The following FAM163B variants were observed in gnomAD, a reference collection of about 807,000 sequenced individuals.
FAM163B encodes the protein protein FAM163B.
A neutral mutation model predicts 7.6 loss-of-function variants in FAM163B; 4 were observed. The observed-to-expected ratio is 0.52, with a 90% CI of 0.26 to 1.20. The LOEUF is 1.20. Among genes scored for constraint, FAM163B ranks in the 50% most tolerant of loss-of-function variants. The pLI is 0.14. For synonymous variants in FAM163B, 120 were observed against 111.6 expected (o/e 1.07, Z -0.47); for missense variants, 250 against 243.0 (o/e 1.03, Z -0.19).
At position 133,606,036 on chromosome 9, in the gene FAM163B, C is replaced by T. The variant is rs1831785619; in HGVS notation, c.-24+3041G>A. 1.3e-5 allele frequency among the ~76,000 whole-genome samples: 2 copies of T among 152,198 alleles called. No individual in the cohort carries two copies. The highest frequency in any genetic ancestry group is 4.8e-5 in the African/African-American group (2 of 41,448). ...GTTCCTGTGGACTGCGGCGGAAAGC[C>T]CAACCACTGAGCAGGGCTTACAAGC... On this transcript the variant is annotated intron_variant, in intron 1 of 2. Coordinates refer to ENST00000673969, the MANE Select transcript of FAM163B (RefSeq NM_001080515.3). This position sits in a 1 kb window ranked among gnomAD's most constrained non-coding sequence, Gnocchi z 4.0.
At chr9:133,580,020 C>T in intron 2 of FAM163B, 111 bp downstream of exon 2, 1 of 863,136 alleles carries the variant, frequency 1.2e-6, no homozygotes, top group Non-Finnish European at 1.8e-6. Flanking sequence ...CAGGGCTCTT[C>T]CCCACTTCCC....
intron 1 of FAM163B, among the ~76,000 whole-genome samples, chr9:133,607,721 CT>C (rs1225572684): frequency 6.6e-6 from 1 of 152,228 alleles, no homozygotes; most frequent in East Asian, 1.9e-4. Context: ...CCCTGTGGGT[CT>C]TTTCATAGCA....
intron 1 of FAM163B, among the ~76,000 whole-genome samples, chr9:133,590,396 T>C (rs2131240439): frequency 6.6e-6 from 1 of 152,012 alleles, no homozygotes; most frequent in African/African-American, 2.4e-5. Context: ...TCTCGTTTAG[T>C]AAACAAATAA....
At chr9:133,594,260 C>T (rs9409838) in intron 1 of FAM163B, among the ~76,000 whole-genome samples, 58,539 of 151,974 alleles carry the variant, frequency 0.39, 11,531 homozygotes, top group Admixed American at 0.45. Flanking sequence ...ATCTAGGTCC[C>T]GAACATCTGA....
rs892486868 is a variant in FAM163B at position 133,600,484 on chromosome 9, G to A, written c.-24+8593C>T. Among the ~76,000 whole-genome samples the A allele has an allele frequency of 5.9e-5, 9 of 152,184 alleles. No individual in the cohort carries two copies. The highest frequency in any genetic ancestry group is 2.2e-4 in the African/African-American group (9 of 41,442). On this transcript the variant is annotated intron_variant, in intron 1 of 2. Transcript: ENST00000673969. This position sits in a 1 kb window ranked among gnomAD's most constrained non-coding sequence, Gnocchi z 4.9. ...GCCCAGGTCACCTGGCACTTACGAG[G>A]GAAGCCCCAGATGGCCCCTGCAGCT... is the stretch of plus-strand genomic sequence containing the variant.
intron 1 of FAM163B, among the ~76,000 whole-genome samples, chr9:133,599,117 C>T (rs906280527): frequency 1.3e-4 from 20 of 152,354 alleles, no homozygotes; most frequent in African/African-American, 4.8e-4. Context: ...CTCCCACCCT[C>T]CTCCTGTCCT....
intron 1 of FAM163B, among the ~76,000 whole-genome samples, chr9:133,603,277 C>A (rs1222353249): frequency 6.6e-6 from 1 of 152,346 alleles, no homozygotes; most frequent in Admixed American, 6.5e-5. Context: ...TGCTGTGGGT[C>A]CAATGCATAC....
chr9:133,580,122 C>A lies in FAM163B; in HGVS notation c.93+9G>T. The A allele has an allele frequency of 6.2e-7, 1 of 1,609,982 alleles. No individual in the cohort carries two copies. On this transcript the variant is annotated intron_variant, in intron 2 of 2. Coordinates refer to ENST00000673969, the MANE Select transcript of FAM163B (RefSeq NM_001080515.3). ...CTGCCCTGTCCCCTTCCCCGCCGCC[C>A]GGGAATACCTGGAGCCGGCAGTAGC...
chr9:133,580,310 T>C (rs1831337368), intron 1 of FAM163B, 64 bp from the exon 2 acceptor site: 1 of 1,276,048 alleles, frequency 7.8e-7, no homozygotes, highest in Non-Finnish European at 1.1e-6. Flanking sequence ...ACTCGTGCTA[T>C]TCTAGAGAAC....
intron 1 of FAM163B, among the ~76,000 whole-genome samples, chr9:133,590,204 CT>C (rs1564193693): frequency 2.7e-4 from 39 of 141,886 alleles, no homozygotes; most frequent in African/African-American, 1.0e-3. Context: ...CTTTCCTTTC[CT>C]TTCCTTCCCT....
At chr9:133,592,765 C>T (rs1234674033) in intron 1 of FAM163B, among the ~76,000 whole-genome samples, 1 of 152,220 alleles carries the variant, frequency 6.6e-6, no homozygotes, top group Non-Finnish European at 1.5e-5. Flanking sequence ...CCAAGTCCCA[C>T]CCAGGCCGGC....
intron 1 of FAM163B, among the ~76,000 whole-genome samples, chr9:133,590,131 TCCCCTCCCCTTCCCCTC>T (rs1564193626): frequency 2.1e-4 from 6 of 29,050 alleles, no homozygotes; most frequent in East Asian, 4.1e-3. Context: ...CCCCTCCCCT[TCCCCTCCCCTTCCCCTC>T]CCCTTCCCCT....
Position 133,578,785 on chromosome 9 carries a change from TG to T in FAM163B, c.*236del. 1.5e-6 allele frequency: 1 copy of T among 666,028 alleles called. No individual in the cohort carries two copies. Among genetic ancestry groups the T allele is most frequent in the Non-Finnish European group, 2.3e-6 (1 of 439,026 alleles). 41.3% of individuals were successfully genotyped at this position (666,028 alleles called of 1,614,324 possible). A position where few individuals can be genotyped will look rare whatever the true frequency, so the allele number is the denominator to read the frequency against. ...ATGCCCAGCCGGCTGTATGGTCACCTGGTCCTTCTAGCCCCAGGCCCCAGCT... is the reference window on the plus strand; with the variant it reads ...ATGCCCAGCCGGCTGTATGGTCACCTGTCCTTCTAGCCCCAGGCCCCAGCT... On this transcript the variant is annotated 3_prime_UTR_variant, in exon 3 of 3. Coordinates refer to ENST00000673969, the MANE Select transcript of FAM163B (RefSeq NM_001080515.3).
At chr9:133,583,274 T>C (rs1417007262) in intron 1 of FAM163B, among the ~76,000 whole-genome samples, 1 of 152,070 alleles carries the variant, frequency 6.6e-6, no homozygotes, top group African/African-American at 2.4e-5. Context: ...TGGGCCTGGG[T>C]GGAGGGGCTC....
chr9:133,578,872 G>A lies in FAM163B; in HGVS notation c.*150C>T, dbSNP rs1053295720. 1.5e-6 allele frequency: 2 copies of A among 1,378,844 alleles called. No homozygotes were observed. Among genetic ancestry groups the A allele is most frequent in the South Asian group, 3.2e-5 (2 of 62,252 alleles). The allele number at this position is 1,378,844 out of a possible 1,614,324, so 85.4% of individuals were successfully genotyped here. A position where few individuals can be genotyped will look rare whatever the true frequency, so the allele number is the denominator to read the frequency against. ...CCTTATCCCTGCCACGAGCCTGGGG[G>A]CTCCCCAAGCCTGGGCCTCCCCTGA... On this transcript the variant is annotated 3_prime_UTR_variant, in exon 3 of 3. Transcript: ENST00000673969.
rs376180281 is a variant in FAM163B at position 133,582,901 on chromosome 9, C to T, written c.-23-2655G>A. On this transcript the variant is annotated intron_variant, in intron 1 of 2. Transcript: ENST00000673969. The stretch of plus-strand genomic sequence containing the variant: ...TGGAGAGTCAGAAGGCGCTGGTCCC[C>T]GGAGGGAGCGAGGAAGGCCACAGCT... 5.5e-3 allele frequency among the ~76,000 whole-genome samples: 833 copies of T among 152,254 alleles called. 8 individuals carry two copies. The highest frequency in any genetic ancestry group is 0.019 in the African/African-American group (788 of 41,538).
At chr9:133,607,368 C>T (rs1416255999) in intron 1 of FAM163B, among the ~76,000 whole-genome samples, 5 of 152,174 alleles carry the variant, frequency 3.3e-5, no homozygotes, top group East Asian at 1.9e-4. Flanking sequence ...GCATGACAGA[C>T]GTGTGTTGGG....
At chr9:133,595,771 G>T (rs1174997792) in intron 1 of FAM163B, among the ~76,000 whole-genome samples, 1 of 152,070 alleles carries the variant, frequency 6.6e-6, no homozygotes, top group Non-Finnish European at 1.5e-5. Context: ...CCCTTAACCT[G>T]CCTGGTTTGT....
chr9:133,600,794 C>T lies in FAM163B; in HGVS notation c.-24+8283G>A, dbSNP rs549388556. Among the ~76,000 whole-genome samples the T allele has an allele frequency of 6.6e-6, 1 of 152,278 alleles. No individual in the cohort carries two copies. The highest frequency in any genetic ancestry group is 2.1e-4 in the South Asian group (1 of 4,816). On this transcript the variant is annotated intron_variant, in intron 1 of 2. Coordinates refer to ENST00000673969, the MANE Select transcript of FAM163B (RefSeq NM_001080515.3). The surrounding 1 kb of genome is among the most constrained non-coding windows in gnomAD (Gnocchi z 4.9). ...CCTTTCCTCTTCGATTCGGAAGGGA[C>T]TTTGGAAGATAACTAGTGTAATCGC...
Sources: gnomAD v4.1 joint callset for allele counts (sites outside exome capture counted in the v4.1 genomes callset) on GRCh38, gnomAD v4.1.1 for gene constraint, Gnocchi (gnomAD v3.1) non-coding constraint, MANE v1.5 for transcripts, NCBI Gene and HGNC (gene_info 2026-07-23, HGNC 2026-07-21) for gene names.